Variants in SIM2 observed in about 807,000 individuals in gnomAD.
The protein encoded by SIM2 is SIM bHLH transcription factor 2, also known as single-minded homolog 2.
In SIM2, 28 loss-of-function variants were observed where a neutral mutation model predicts 64.8. The ratio of observed to expected loss-of-function variants is 0.43; its 90% confidence interval spans 0.32 to 0.59. The LOEUF (loss-of-function observed/expected upper bound fraction) is 0.59. SIM2 is among the 20% of genes least tolerant of loss of function. The pLI is 0.07. For synonymous variants in SIM2, 408 were observed against 391.1 expected, an observed-to-expected ratio of 1.04 and a Z score of -0.51; for missense variants, 847 against 871.4, an observed-to-expected ratio of 0.97 and a Z score of 0.35.
chr21:36,748,186 T>G lies in SIM2; in HGVS notation c.*94T>G. On this transcript the variant is annotated 3_prime_UTR_variant, in exon 11 of 11. Transcript: ENST00000290399. ...AATGCGCACGACCTACATTAATTTA[T>G]GCAGAGACAGCTGTTTGAATTGGAC... is the stretch of plus-strand genomic sequence containing the variant. The G allele has an allele frequency of 2.0e-6, 1 of 505,692 alleles. No individual in the cohort carries two copies. 31.3% of individuals were successfully genotyped at this position (505,692 alleles called of 1,614,324 possible).
intron 7 of SIM2, among the ~76,000 whole-genome samples, chr21:36,734,801 T>C (rs770710940): frequency 8.5e-5 from 13 of 152,062 alleles, no homozygotes; most frequent in Non-Finnish European, 1.9e-4. Flanking sequence ...GTATGGAGCT[T>C]TGTGATTGTG....
intron 3 of SIM2, among the ~76,000 whole-genome samples, chr21:36,716,848 G>A (rs1568929086): frequency 1.4e-5 from 2 of 144,456 alleles, no homozygotes; most frequent in African/African-American, 5.1e-5. Context: ...GAGTTTTATA[G>A]CGACAACCAT....
chr21:36,721,940 G>A (rs1056501423), intron 4 of SIM2, among the ~76,000 whole-genome samples: 2 of 152,152 alleles, frequency 1.3e-5, no homozygotes, highest in Non-Finnish European at 2.9e-5. Context: ...CATTGAGGCC[G>A]CACCTGACTC....
Position 36,699,904 on chromosome 21 carries a change from G to A in SIM2, c.158G>A (p.Arg53His). ...IRLTTSYLKM[R>H]AVFPEGLGDA... is the part of the protein sequence containing the mutation. ...CTCACCACGAGCTACCTGAAGATGC[G>A]CGCCGTCTTCCCCGAAGGTGAGGCC... Residue 53 changes from arginine to histidine, a missense_variant, in exon 1 of 11, where the codon CGC (arginine) becomes CAC (histidine). Physicochemically the swap from Arg to His is conservative, Grantham distance 29 (BLOSUM62 0). Around this residue, in one of 3 missense-constraint regions of SIM2, gnomAD observed 397 missense variants for 439.2 expected, o/e 0.90. Transcript: ENST00000290399. This position sits in a 1 kb window ranked among gnomAD's most constrained non-coding sequence, Gnocchi z 5.6. 6.2e-7 allele frequency: 1 copy of A among 1,603,932 alleles called. No homozygotes were observed.
At chr21:36,740,025 A>AAGAAAGAAAGAAAGAAAGAG (rs2089138736) in intron 7 of SIM2, among the ~76,000 whole-genome samples, 3 of 76,136 alleles carry the variant, frequency 3.9e-5, no homozygotes, top group Admixed American at 1.2e-4. Context: ...GAAAGAAAGA[A>AAGAAAGAAAGAAAGAAAGAG]AGAAAGAAAG....
rs1484969351 is a variant in SIM2 at position 36,699,739 on chromosome 21, G to A, written c.-8G>A. 17 of 1,611,814 alleles carry A rather than the reference G, an allele frequency of 1.1e-5. No homozygotes were observed. Among genetic ancestry groups the A allele is most frequent in the African/African-American group, 2.7e-5 (2 of 74,716 alleles). On this transcript the variant is annotated 5_prime_UTR_variant, in exon 1 of 11. Coordinates refer to ENST00000290399, the MANE Select transcript of SIM2 (RefSeq NM_005069.6). This position sits in a 1 kb window ranked among gnomAD's most constrained non-coding sequence, Gnocchi z 5.6. ...GGCCGGGTCTAATATGCCCGGAGCCGAGGCGCGATGAAGGAGAAGTCCAAG... is the reference window on the plus strand; with the variant it reads ...GGCCGGGTCTAATATGCCCGGAGCCAAGGCGCGATGAAGGAGAAGTCCAAG...
At chr21:36,700,894 A>C (rs1048801403) in intron 1 of SIM2, among the ~76,000 whole-genome samples, 1 of 152,218 alleles carries the variant, frequency 6.6e-6, no homozygotes, top group African/African-American at 2.4e-5. Context: ...GGTGCGGAAG[A>C]CTCGGAACAG....
In SIM2 at chr21:36,726,260, A is replaced by G. The variant is rs769465266; in HGVS notation, c.685A>G (p.Ser229Gly). Reference sequence around the variant, plus strand: ...TGCCATCACCGAGATCAAGCTGTACAGTAACATGTTCATGTTCAGGGCCAG... The same window carrying G: ...TGCCATCACCGAGATCAAGCTGTACGGTAACATGTTCATGTTCAGGGCCAG... ...PSAITEIKLYSNMFMFRASLD... is the reference protein window; with the variant it reads ...PSAITEIKLYGNMFMFRASLD... Residue 229 changes from serine to glycine, a missense_variant, in exon 6 of 11, where the codon AGT becomes GGT. By Grantham distance (56) the Ser-to-Gly change is moderately conservative. Coordinates refer to ENST00000290399, the MANE Select transcript of SIM2 (RefSeq NM_005069.6). The surrounding 1 kb of genome is among the most constrained non-coding windows in gnomAD (Gnocchi z 4.5). The G allele has an allele frequency of 2.6e-5, 42 of 1,613,668 alleles. No individual in the cohort carries two copies. The highest frequency in any genetic ancestry group is 6.7e-5 in the African/African-American group (5 of 74,936).
At chr21:36,722,591 G>A (rs2088837097) in intron 4 of SIM2, among the ~76,000 whole-genome samples, 1 of 152,156 alleles carries the variant, frequency 6.6e-6, no homozygotes, top group Admixed American at 6.5e-5. Context: ...GTGAGTGAGT[G>A]GGAAGGGCAG....
chr21:36,744,920 T>C lies in SIM2; in HGVS notation c.1360T>C (p.Phe454Leu), dbSNP rs948687041. 1 of 1,614,148 alleles carries C rather than the reference T, an allele frequency of 6.2e-7. No homozygotes were observed. ...YGHFPLDSHV[F>L]SSKKPMLPAK... ...ACACTTCCCTCTGGACTCTCACGTCTTCAGCAGCAAAAAGCCAATGTTGCC... is the reference window on the plus strand; with the variant it reads ...ACACTTCCCTCTGGACTCTCACGTCCTCAGCAGCAAAAAGCCAATGTTGCC... Residue 454 changes from phenylalanine to leucine, a missense_variant, in exon 10 of 11, where the codon TTC becomes CTC. Around this residue, in one of 3 missense-constraint regions of SIM2, gnomAD observed 447 missense variants for 414.6 expected, o/e 1.08. Transcript: ENST00000290399.
At position 36,726,949 on chromosome 21, in the gene SIM2, T is replaced by C. The variant is rs1403803034; in HGVS notation, c.743+631T>C. Among the ~76,000 whole-genome samples, 1 of 152,214 alleles carries C rather than the reference T, an allele frequency of 6.6e-6. No homozygotes were observed. Among genetic ancestry groups the C allele is most frequent in the Non-Finnish European group, 1.5e-5 (1 of 68,046 alleles). On this transcript the variant is annotated intron_variant, in intron 6 of 10. Coordinates refer to ENST00000290399, the MANE Select transcript of SIM2 (RefSeq NM_005069.6). The surrounding 1 kb of genome is among the most constrained non-coding windows in gnomAD (Gnocchi z 4.5). ...AGACCCGTGCTGGAGTGGCCTTCACTCTCCCCTAGAACCGGCTGCAGTCCC... is the reference window on the plus strand; with the variant it reads ...AGACCCGTGCTGGAGTGGCCTTCACCCTCCCCTAGAACCGGCTGCAGTCCC...
rs1029180457 is a variant in SIM2 at position 36,726,213 on chromosome 21, T to C, written c.638T>C (p.Val213Ala). 1.2e-6 allele frequency: 2 copies of C among 1,613,938 alleles called. No homozygotes were observed. Among genetic ancestry groups the C allele is most frequent in the South Asian group, 2.2e-5 (2 of 91,074 alleles). Residue 213 changes from valine to alanine, a missense_variant, in exon 6 of 11, where the codon GTG becomes GCG. Physicochemically the swap from Val to Ala is moderately conservative, Grantham distance 64. Around this residue, in one of 3 missense-constraint regions of SIM2, gnomAD observed 397 missense variants for 439.2 expected, o/e 0.90. Transcript: ENST00000290399. The surrounding 1 kb of genome is among the most constrained non-coding windows in gnomAD (Gnocchi z 4.5). ...SCYQIVGLVAVGQSLPPSAIT... is the reference protein window; with the variant it reads ...SCYQIVGLVAAGQSLPPSAIT... ...TACCAGATTGTGGGGCTGGTGGCCG[T>C]GGGCCAGTCGCTGCCACCCAGTGCC...
intron 1 of SIM2, among the ~76,000 whole-genome samples, chr21:36,704,060 G>A (rs2088544402): frequency 6.6e-6 from 1 of 152,254 alleles, no homozygotes; most frequent in Non-Finnish European, 1.5e-5. Flanking sequence ...GGGTGAAAGA[G>A]GGAGAAAGAA....
intron 7 of SIM2, among the ~76,000 whole-genome samples, chr21:36,736,008 C>T (rs1321991516): frequency 2.0e-5 from 3 of 152,226 alleles, no homozygotes; most frequent in Non-Finnish European, 4.4e-5. Flanking sequence ...GTGGCCACTG[C>T]AGACCTGAGA....
chr21:36,700,950 G>A (rs1201550781), intron 1 of SIM2, among the ~76,000 whole-genome samples: 2 of 152,254 alleles, frequency 1.3e-5, no homozygotes, highest in South Asian at 4.1e-4. Context: ...CGCCCACGCC[G>A]GTTGCCGCTG....
chr21:36,730,397 T>C (rs922702569), intron 6 of SIM2, among the ~76,000 whole-genome samples: 4 of 152,184 alleles, frequency 2.6e-5, no homozygotes, highest in African/African-American at 9.7e-5. Flanking sequence ...TGGTGTGCCA[T>C]TGCACGGATA....
In SIM2 at chr21:36,745,738, C is replaced by T; in HGVS notation, c.1576+602C>T. 1 of 1,294,242 alleles carries T rather than the reference C, an allele frequency of 7.7e-7. No individual in the cohort carries two copies. The highest frequency in any genetic ancestry group is 1.0e-6 in the Non-Finnish European group (1 of 981,118). The allele number at this position is 1,294,242 out of a possible 1,614,324, so 80.2% of individuals were successfully genotyped here. The stretch of plus-strand genomic sequence containing the variant: ...GGACACGACACACAGTAGGGACCTG[C>T]CCTGTACATGCTAGTTCAACAGAAA... On this transcript the variant is annotated intron_variant, in intron 10 of 10. Coordinates refer to ENST00000290399, the MANE Select transcript of SIM2 (RefSeq NM_005069.6). The surrounding 1 kb of genome is among the most constrained non-coding windows in gnomAD (Gnocchi z 4.8).
chr21:36,744,922 C>T lies in SIM2; in HGVS notation c.1362C>T (p.Phe454=). ...YGHFPLDSHV[F]SSKKPMLPAK... ...ACTTCCCTCTGGACTCTCACGTCTT[C>T]AGCAGCAAAAAGCCAATGTTGCCGG... The change falls in exon 10 of 11, where the codon TTC becomes TTT. Residue 454 remains phenylalanine (F), a synonymous_variant. Transcript: ENST00000290399. The T allele has an allele frequency of 1.2e-6, 2 of 1,614,284 alleles. No individual in the cohort carries two copies. The highest frequency in any genetic ancestry group is 1.7e-6 in the Non-Finnish European group (2 of 1,180,058).
At chr21:36,730,068 C>T (rs867023301) in intron 6 of SIM2, among the ~76,000 whole-genome samples, 14 of 152,316 alleles carry the variant, frequency 9.2e-5, no homozygotes, top group South Asian at 4.1e-4. Flanking sequence ...AACCAATCCT[C>T]CCCTCATAGG....
Sources: gnomAD v4.1 joint callset for allele counts (sites outside exome capture counted in the v4.1 genomes callset) on GRCh38, gnomAD v4.1.1 for gene constraint, gnomAD v4.1.1 regional missense constraint, Gnocchi (gnomAD v3.1) non-coding constraint, MANE v1.5 for transcripts, NCBI Gene and HGNC (gene_info 2026-07-23, HGNC 2026-07-21) for gene names.